SDC3: variants seen among roughly 807,000 people sequenced by gnomAD.
SDC3 encodes the protein syndecan 3.
Under a neutral mutation model 24.4 loss-of-function variants are expected in SDC3, and 13 were observed. The observed-to-expected ratio is 0.53, with a 90% CI of 0.35 to 0.85. SDC3 has a LOEUF of 0.85. SDC3 is among the 40% of genes least tolerant of loss of function. SDC3 has a pLI of 0.01. For missense variants in SDC3, 571 were observed against 584.5 expected, an observed-to-expected ratio of 0.98 and a Z score of 0.24; for synonymous variants, 295 against 260.9, an observed-to-expected ratio of 1.13 and a Z score of -1.26.
At chr1:30,881,916 C>T (rs959658465) in intron 1 of SDC3, among the ~76,000 whole-genome samples, 2 of 152,164 alleles carry the variant, frequency 1.3e-5, no homozygotes, top group African/African-American at 2.4e-5. Context: ...ATCTGTGCCC[C>T]GCAGCTGCCC....
intron 4 of SDC3, 62 bp downstream of exon 4, chr1:30,874,235 C>T (rs1639591042): frequency 7.1e-7 from 1 of 1,400,834 alleles, no homozygotes; most frequent in Non-Finnish European, 9.7e-7. Context: ...AACTGAGGCC[C>T]AGCCAGCTGT....
chr1:30,876,940 G>A lies in SDC3; in HGVS notation c.482C>T (p.Thr161Ile). The change falls in exon 3 of 5, where the codon ACT becomes ATT. Residue 161 changes from threonine to isoleucine, a missense_variant. This residue lies in a region of SDC3 where 497 missense variants were observed against 471.6 expected (regional missense o/e 1.05). Transcript: ENST00000339394. ...EPSQRATTVS[T>I]TMATTAATST... ...TGTGGCAGCAGTGGTAGCCATGGTA[G>A]TGGAGACGGTGGTGGCTCTCTGGCT... is the stretch of plus-strand genomic sequence containing the variant. 1 of 1,613,870 alleles carries A rather than the reference G, an allele frequency of 6.2e-7. No homozygotes were observed. Among genetic ancestry groups the A allele is most frequent in the Non-Finnish European group, 8.5e-7 (1 of 1,179,966 alleles).
chr1:30,884,133 C>T (rs535803360), intron 1 of SDC3, among the ~76,000 whole-genome samples: 2 of 152,260 alleles, frequency 1.3e-5, no homozygotes, highest in South Asian at 2.1e-4. Context: ...CCGGCAGTCC[C>T]ACACCCACTT....
chr1:30,870,525 C>T lies in SDC3; in HGVS notation c.*2686G>A, dbSNP rs1291103537. The T allele has an allele frequency of 6.5e-6, 1 of 152,780 alleles. No homozygotes were observed. Among genetic ancestry groups the T allele is most frequent in the Non-Finnish European group, 1.5e-5 (1 of 68,476 alleles). The allele number at this position is 152,780 out of a possible 1,614,324, so 9.5% of individuals were successfully genotyped here. Reference sequence around the variant, plus strand: ...GCCTAGCTGGTCCTCACTGAACTCTCTTGGACTGCCTTGCCCCGGTCAGGC... The same window carrying T: ...GCCTAGCTGGTCCTCACTGAACTCTTTTGGACTGCCTTGCCCCGGTCAGGC... On this transcript the variant is annotated 3_prime_UTR_variant, in exon 5 of 5. Transcript: ENST00000339394.
intron 1 of SDC3, among the ~76,000 whole-genome samples, chr1:30,905,011 C>A (rs992862405): frequency 5.3e-5 from 8 of 152,206 alleles, no homozygotes; most frequent in Admixed American, 5.2e-4. Context: ...GTCCCCAGAG[C>A]CCCTGGTACC....
intron 3 of SDC3, 57 bp downstream of exon 3, chr1:30,876,495 C>A: frequency 7.1e-7 from 1 of 1,398,784 alleles, no homozygotes; most frequent in Non-Finnish European, 9.6e-7. Flanking sequence ...TCCTCCTCAT[C>A]CCTCCCCTGA....
In SDC3 at chr1:30,908,343, G is replaced by A. The variant is rs1291703048; in HGVS notation, c.138+106C>T. On this transcript the variant is annotated intron_variant, in intron 1 of 4. Transcript: ENST00000339394. ...GCGGCCCCGGGGGAAGCAGCCGGGG[G>A]GGAGGGAGCGGGGTCCCGGAGGGGG... The A allele has an allele frequency of 1.2e-5, 7 of 570,066 alleles. No homozygotes were observed. In the African/African-American group the frequency reaches 1.2e-4, roughly 10 times the overall value. The allele number at this position is 570,066 out of a possible 1,614,324, so 35.3% of individuals were successfully genotyped here. A position where few individuals can be genotyped will look rare whatever the true frequency, so the allele number is the denominator to read the frequency against.
intron 1 of SDC3, among the ~76,000 whole-genome samples, chr1:30,898,283 CT>C (rs1444484391): frequency 6.6e-6 from 1 of 152,162 alleles, no homozygotes; most frequent in Non-Finnish European, 1.5e-5. Flanking sequence ...CCTAGTCCCC[CT>C]ATCAATGTGC....
chr1:30,876,714 C>T lies in SDC3; in HGVS notation c.708G>A (p.Ala236=), dbSNP rs140602149. The change falls in exon 3 of 5, where the codon GCG becomes GCA. Residue 236 remains alanine, a synonymous_variant. Coordinates refer to ENST00000339394, the MANE Select transcript of SDC3 (RefSeq NM_014654.4). ...TTGGGGCCTCGGTGTCCAAGACAGC[C>T]GCCGTGGTGGGCGGGGAGGGCGCCT... ...TPEAPSPPTT[A]AVLDTEAPTP... 6.5e-5 allele frequency: 104 copies of T among 1,597,118 alleles called. No individual in the cohort carries two copies. Among genetic ancestry groups the T allele is most frequent in the African/African-American group, 4.8e-4 (36 of 74,490 alleles).
chr1:30,907,992 C>T (rs1638561129), intron 1 of SDC3, among the ~76,000 whole-genome samples: 1 of 152,152 alleles, frequency 6.6e-6, no homozygotes, highest in Non-Finnish European at 1.5e-5. Flanking sequence ...CCAAGACACA[C>T]CCAGCCGGGA....
At chr1:30,900,612 C>T (rs1638396420) in intron 1 of SDC3, among the ~76,000 whole-genome samples, 1 of 152,150 alleles carries the variant, frequency 6.6e-6, no homozygotes, top group African/African-American at 2.4e-5. Context: ...AGGAGCCTTG[C>T]CTACTCAGGC....
intron 1 of SDC3, among the ~76,000 whole-genome samples, chr1:30,886,100 C>T (rs1198198696): frequency 1.3e-5 from 2 of 152,058 alleles, no homozygotes; most frequent in Non-Finnish European, 2.9e-5. Context: ...CCCCCCACAC[C>T]CCACTCCCAG....
intron 1 of SDC3, among the ~76,000 whole-genome samples, chr1:30,901,409 T>C (rs1013320779): frequency 2.6e-5 from 4 of 151,934 alleles, no homozygotes; most frequent in Non-Finnish European, 5.9e-5. Flanking sequence ...GGGAGGAAAA[T>C]GGAAAGCACC....
Position 30,908,494 on chromosome 1 carries a change from G to A in SDC3, c.93C>T (p.Leu31=). The A allele has an allele frequency of 9.0e-6, 9 of 998,478 alleles. No homozygotes were observed. The highest frequency in any genetic ancestry group is 1.1e-5 in the Non-Finnish European group (9 of 840,286). The allele number at this position is 998,478 out of a possible 1,614,324, so 61.9% of individuals were successfully genotyped here. Residue 31 remains leucine, a synonymous_variant, in exon 1 of 5, where the codon CTC becomes CTT. Transcript: ENST00000339394. ...AAAGPGARGL[L]LPPLLLLLLA... is the part of the protein sequence containing the mutation. Reference sequence around the variant, plus strand: ...GCAGCAGCAGCAGCAGCGGTGGCAGGAGCAGCCCGCGGGCCCCGGGCCCGG... The same window carrying A: ...GCAGCAGCAGCAGCAGCGGTGGCAGAAGCAGCCCGCGGGCCCCGGGCCCGG...
rs1638585948 is a variant in SDC3 at position 30,908,708 on chromosome 1, C to T, written c.-122G>A. The T allele has an allele frequency of 8.2e-6, 2 of 242,902 alleles. No individual in the cohort carries two copies. The highest frequency in any genetic ancestry group is 6.5e-6 in the Non-Finnish European group (1 of 154,816). 15.0% of individuals were successfully genotyped at this position (242,902 alleles called of 1,614,324 possible). On this transcript the variant is annotated 5_prime_UTR_variant, in exon 1 of 5. Coordinates refer to ENST00000339394, the MANE Select transcript of SDC3 (RefSeq NM_014654.4). ...CGGCTGGACCGACGCGCTCTAGGCT[C>T]GCGGGCTCCCGGCTCGGCCGCCCGG...
In SDC3 at chr1:30,907,157, G is replaced by A. The variant is rs151189336; in HGVS notation, c.138+1292C>T. On this transcript the variant is annotated intron_variant, in intron 1 of 4. Transcript: ENST00000339394. The stretch of plus-strand genomic sequence containing the variant: ...ACCCAGTGTTGCTTGAGAGGCCTGG[G>A]TCCTTTTCAGCCTGGGGGATGCAGG... Among the ~76,000 whole-genome samples, 854 of 152,324 alleles carry A rather than the reference G, an allele frequency of 5.6e-3. 5 individuals are homozygous for A. The highest frequency in any genetic ancestry group is 0.036 in the East Asian group (186 of 5,186).
chr1:30,878,813 AG>A (rs1639693357), intron 1 of SDC3, 73 bp from the exon 2 acceptor site: 1 of 1,248,364 alleles, frequency 8.0e-7, no homozygotes, highest in Non-Finnish European at 1.2e-6. Flanking sequence ...GAAGGGCGAC[AG>A]GTGCCCTTGT....
At chr1:30,909,698 C>T (rs1442041738), upstream of SDC3, among the ~76,000 whole-genome samples, 1 of 152,196 alleles carries the variant, frequency 6.6e-6, no homozygotes, top group East Asian at 1.9e-4. Flanking sequence ...TCCCCAGCAC[C>T]AGCACAGAGC....
intron 1 of SDC3, chr1:30,880,562 T>C (rs12406720): frequency 0.22 from 33,579 of 151,792 alleles, 5,481 homozygotes; most frequent in East Asian, 0.58. Flanking sequence ...AATGGCAGGG[T>C]GTGCAGGGGG....
Sources: allele counts gnomAD v4.1 joint callset (sites outside exome capture counted in the v4.1 genomes callset), GRCh38; gene constraint gnomAD v4.1.1; regional missense constraint gnomAD v4.1.1; transcripts MANE v1.5; gene names NCBI Gene and HGNC (gene_info 2026-07-23, HGNC 2026-07-21).